Variants in SIPA1L3 observed in about 807,000 individuals in gnomAD.
SIPA1L3 encodes the protein signal induced proliferation associated 1 like 3.
A neutral mutation model predicts 150.1 loss-of-function variants in SIPA1L3; 59 were observed. The observed-to-expected ratio is 0.39, with a 90% CI of 0.32 to 0.49. The LOEUF (loss-of-function observed/expected upper bound fraction) is 0.49, where lower values mean the gene tolerates loss of function less well. SIPA1L3 is among the 20% of genes least tolerant of loss of function. The pLI is 0.86. For missense variants in SIPA1L3, 2,211 were observed against 2,489.5 expected, an observed-to-expected ratio of 0.89 and a Z score of 2.38; for synonymous variants, 1,070 against 1,077.6, an observed-to-expected ratio of 0.99 and a Z score of 0.14.
At chr19:38,195,701 C>T (rs2146053320) in intron 18 of SIPA1L3, among the ~76,000 whole-genome samples, 1 of 151,902 alleles carries the variant, frequency 6.6e-6, no homozygotes, top group South Asian at 2.1e-4. Flanking sequence ...GCTTGCTGTA[C>T]CTCATTCTTT....
intron 15 of SIPA1L3, among the ~76,000 whole-genome samples, chr19:38,182,136 CAAA>C (rs4006822): frequency 1.5e-5 from 2 of 130,120 alleles, no homozygotes; most frequent in Non-Finnish European, 3.1e-5. Flanking sequence ...GACCCTGTCT[CAAA>C]AAAAAAAAAA....
At chr19:37,912,743 C>T (rs945031128) in intron 1 of SIPA1L3, among the ~76,000 whole-genome samples, 3 of 152,178 alleles carry the variant, frequency 2.0e-5, no homozygotes, top group African/African-American at 7.2e-5. Context: ...ATGATCCTCC[C>T]GCCTCAGCCT....
At position 38,119,898 on chromosome 19, in the gene SIPA1L3, C is replaced by T. The variant is rs773654803; in HGVS notation, c.2868+16C>T. 1.9e-5 allele frequency: 30 copies of T among 1,571,806 alleles called. No individual in the cohort carries two copies. Among genetic ancestry groups the T allele is most frequent in the Non-Finnish European group, 2.3e-5 (27 of 1,157,402 alleles). On this transcript the variant is annotated intron_variant, in intron 9 of 21. Transcript: ENST00000222345. ...GAGACTGAAGGTAAGGGAGAGAGCC[C>T]GGCGATAGGGCGGCGATTTGTATGG...
chr19:38,056,972 T>TA (rs1969331191), intron 2 of SIPA1L3, among the ~76,000 whole-genome samples: 1 of 152,038 alleles, frequency 6.6e-6, no homozygotes, highest in African/African-American at 2.4e-5. Context: ...ACCCTGTCGT[T>TA]AAAAAATATA....
At chr19:38,177,224 G>C (rs1458696570) in intron 15 of SIPA1L3, among the ~76,000 whole-genome samples, 1 of 151,576 alleles carries the variant, frequency 6.6e-6, no homozygotes, top group African/African-American at 2.4e-5. Context: ...AGCCAGGTGT[G>C]GTGGTGGGCG....
In SIPA1L3 at chr19:38,143,542, C is replaced by CTTT. The variant is rs10669806; in HGVS notation, c.3533+852_3533+854dup. Among the ~76,000 whole-genome samples, 659 of 79,946 alleles carry CTTT rather than the reference C, an allele frequency of 8.2e-3. 22 individuals carry two copies. Among genetic ancestry groups the CTTT allele is most frequent in the African/African-American group, 0.015 (261 of 17,516 alleles). The allele number at this position is 79,946 out of a possible 152,430, so 52.4% of individuals were successfully genotyped here. A position where few individuals can be genotyped will look rare whatever the true frequency, so the allele number is the denominator to read the frequency against. ...AACAGCCAGAGGGATCTTTCTGTGTCTTTTTTTTTTTTTTTTTTTTTTGAG... is the reference window on the plus strand; with the variant it reads ...AACAGCCAGAGGGATCTTTCTGTGTCTTTTTTTTTTTTTTTTTTTTTTTTTGAG... On this transcript the variant is annotated intron_variant, in intron 12 of 21. Coordinates refer to ENST00000222345, the MANE Select transcript of SIPA1L3 (RefSeq NM_015073.3).
chr19:38,121,463 G>A (rs1189815204), intron 9 of SIPA1L3, among the ~76,000 whole-genome samples: 4 of 151,080 alleles, frequency 2.6e-5, no homozygotes, highest in Admixed American at 6.6e-5. Flanking sequence ...AAAATAGGCC[G>A]GGCGTGGTGG....
At position 38,182,634 on chromosome 19, in the gene SIPA1L3, C is replaced by T; in HGVS notation, c.4324C>T (p.Pro1442Ser). ...PSPFQLSASV[P>S]KSFFSKQPVR... ...CCCCTTTCAGCTCTCCGCCTCCGTCCCCAAGTCCTTCTTCTCCAAGCAGCC... is the reference window on the plus strand; with the variant it reads ...CCCCTTTCAGCTCTCCGCCTCCGTCTCCAAGTCCTTCTTCTCCAAGCAGCC... The change falls in exon 16 of 22, where the codon CCC (proline) becomes TCC (serine). Residue 1442 changes from proline (P) to serine (S), a missense_variant. Transcript: ENST00000222345. 6.2e-7 allele frequency: 1 copy of T among 1,614,208 alleles called. No homozygotes were observed. Among genetic ancestry groups the T allele is most frequent in the Non-Finnish European group, 8.5e-7 (1 of 1,180,024 alleles).
intron 13 of SIPA1L3, among the ~76,000 whole-genome samples, chr19:38,159,294 A>G (rs1473633186): frequency 1.3e-5 from 2 of 152,172 alleles, no homozygotes; most frequent in East Asian, 1.9e-4. Context: ...CATGGGCCCA[A>G]GAGTACCCTG....
chr19:37,942,574 G>A (rs367677810), intron 1 of SIPA1L3, among the ~76,000 whole-genome samples: 135 of 151,358 alleles, frequency 8.9e-4, no homozygotes, highest in African/African-American at 3.0e-3. Context: ...GGAGCCTGGT[G>A]AGGGTGTGGG....
chr19:37,972,168 A>AGTGT (rs34744094), intron 1 of SIPA1L3, among the ~76,000 whole-genome samples: 32,199 of 144,854 alleles, frequency 0.22, 3,993 homozygotes, highest in Non-Finnish European at 0.29. Context: ...AGAGATACCT[A>AGTGT]GTGTGTGTGT....
chr19:38,014,770 C>T (rs1480826793), intron 1 of SIPA1L3, among the ~76,000 whole-genome samples: 2 of 151,474 alleles, frequency 1.3e-5, no homozygotes, highest in East Asian at 1.9e-4. Flanking sequence ...CCCAGGTTCA[C>T]GCCATTTTCC....
intron 8 of SIPA1L3, among the ~76,000 whole-genome samples, chr19:38,114,543 G>A (rs1194950041): frequency 6.6e-6 from 1 of 152,028 alleles, no homozygotes; most frequent in East Asian, 1.9e-4. Flanking sequence ...CCATCCCCCT[G>A]CCTGGGGTAA....
intron 1 of SIPA1L3, among the ~76,000 whole-genome samples, chr19:37,943,320 C>T (rs1017648033): frequency 2.6e-5 from 4 of 152,064 alleles, no homozygotes; most frequent in East Asian, 3.9e-4. Context: ...TGGATTGGAA[C>T]GTGGATAGCC....
chr19:37,929,706 C>A (rs912958880), intron 1 of SIPA1L3, among the ~76,000 whole-genome samples: 4 of 152,172 alleles, frequency 2.6e-5, no homozygotes, highest in African/African-American at 9.7e-5. Flanking sequence ...CTGTTTCCCC[C>A]TCTGAGGGCT....
chr19:38,171,600 C>T (rs1972329804), intron 15 of SIPA1L3, among the ~76,000 whole-genome samples: 1 of 151,798 alleles, frequency 6.6e-6, no homozygotes, highest in African/African-American at 2.4e-5. Context: ...ACCATGTTGG[C>T]CAGGCTGGTC....
At chr19:38,109,513 A>G (rs891921163) in intron 7 of SIPA1L3, 1 of 152,264 alleles carries the variant, frequency 6.6e-6, no homozygotes, top group Non-Finnish European at 1.5e-5. Flanking sequence ...CTCGGAAGCC[A>G]CAGCCATCCT....
intron 1 of SIPA1L3, among the ~76,000 whole-genome samples, chr19:37,908,369 G>A (rs2046352705): frequency 6.6e-6 from 1 of 152,178 alleles, no homozygotes; most frequent in African/African-American, 2.4e-5. Context: ...CAGCTCTTAT[G>A]TATTATAATT....
chr19:37,986,930 T>TCTTTTTTTG (rs781407556), intron 1 of SIPA1L3, among the ~76,000 whole-genome samples: 2 of 152,170 alleles, frequency 1.3e-5, no homozygotes, highest in African/African-American at 4.8e-5. Flanking sequence ...TTTTCTTTTT[T>TCTTTTTTTG]CTTTTTTTGC....
Sources: gnomAD v4.1 joint callset for allele counts (sites outside exome capture counted in the v4.1 genomes callset) on GRCh38, gnomAD v4.1.1 for gene constraint, MANE v1.5 for transcripts, NCBI Gene and HGNC (gene_info 2026-07-23, HGNC 2026-07-21) for gene names.